The following CDH18 variants were observed in gnomAD, a reference collection of about 807,000 sequenced individuals.
The protein encoded by CDH18 is cadherin 18, also known as cadherin-18.
In CDH18, 31 loss-of-function variants were observed where a neutral mutation model predicts 67.9. The ratio of observed to expected loss-of-function variants is 0.46; its 90% CI spans 0.34 to 0.62. The LOEUF (loss-of-function observed/expected upper bound fraction) is 0.62. Ranked by LOEUF, CDH18 falls within the 20% of genes least tolerant of loss-of-function variation. The pLI is 0.01. For missense variants in CDH18, 890 were observed against 975.5 expected (o/e 0.91, Z 1.17); for synonymous variants, 362 against 347.2 (o/e 1.04, Z -0.48).
intron 3 of CDH18, among the ~76,000 whole-genome samples, chr5:19,816,506 A>G (rs79944844): frequency 9.9e-4 from 151 of 152,000 alleles, no homozygotes; most frequent in East Asian, 2.7e-3. Context: ...AATTATATCA[A>G]TTGCAGATGT....
intron 1 of CDH18, among the ~76,000 whole-genome samples, chr5:20,294,769 G>C (rs1247290685): frequency 6.6e-6 from 1 of 152,102 alleles, no homozygotes; most frequent in African/African-American, 2.4e-5. Context: ...TAAAAAATAA[G>C]TAATTTGAAG....
intron 7 of CDH18, among the ~76,000 whole-genome samples, chr5:19,577,406 T>C (rs1256257190): frequency 3.3e-5 from 5 of 152,262 alleles, no homozygotes; most frequent in Non-Finnish European, 2.9e-5. Flanking sequence ...GTTTTAAACA[T>C]ATTTGGAACT....
chr5:20,362,829 AG>A (rs1742195024), intron 1 of CDH18, among the ~76,000 whole-genome samples: 1 of 152,134 alleles, frequency 6.6e-6, no homozygotes, highest in South Asian at 2.1e-4. Context: ...TTCTCCATAC[AG>A]GATTGGGAGA....
At chr5:19,810,660 G>A (rs527423095) in intron 3 of CDH18, among the ~76,000 whole-genome samples, 2 of 151,856 alleles carry the variant, frequency 1.3e-5, no homozygotes, top group East Asian at 1.9e-4. Flanking sequence ...TTCTAATTAG[G>A]TGTAAAAATC....
At chr5:20,351,060 G>A (rs2150056980) in intron 1 of CDH18, among the ~76,000 whole-genome samples, 1 of 151,412 alleles carries the variant, frequency 6.6e-6, no homozygotes, top group South Asian at 2.1e-4. Context: ...TACCTTAACT[G>A]TTCTATTTAA....
In CDH18 at chr5:19,789,261, G is replaced by A. The variant is rs541825018; in HGVS notation, c.229-42025C>T. Among the ~76,000 whole-genome samples the A allele has an allele frequency of 1.6e-4, 24 of 152,204 alleles. No homozygotes were observed. The South Asian group carries it at 3.1e-3, about 20-fold the overall frequency. Reference sequence around the variant, plus strand: ...GGCAAGTTACTTAACCTTACTGGGCGTCAGTTATTTTATCTGTAAAGTAAA... The same window carrying A: ...GGCAAGTTACTTAACCTTACTGGGCATCAGTTATTTTATCTGTAAAGTAAA... On this transcript the variant is annotated intron_variant, in intron 3 of 12. Transcript: ENST00000382275.
chr5:20,058,927 C>T lies in CDH18; in HGVS notation c.-517-66913G>A, dbSNP rs189854251. Among the ~76,000 whole-genome samples the T allele has an allele frequency of 5.3e-4, 81 of 152,200 alleles. No individual in the cohort carries two copies. In the East Asian group the frequency reaches 0.014, roughly 26 times the overall value. ...TTCTGGTAGAATTCGGCTGTGAATC[C>T]GTCTGGTCCTGGGCTTTTTTTGGTT... On this transcript the variant is annotated intron_variant, in intron 2 of 14. Transcript: ENST00000507958.
At chr5:20,004,136 G>A (rs1250363490) in intron 2 of CDH18, among the ~76,000 whole-genome samples, 1 of 152,032 alleles carries the variant, frequency 6.6e-6, no homozygotes, top group Non-Finnish European at 1.5e-5. Flanking sequence ...CTCTCATTTA[G>A]TTTTCTAACT....
chr5:20,236,804 G>A (rs10037115), intron 2 of CDH18, among the ~76,000 whole-genome samples: 106,464 of 151,836 alleles, frequency 0.7, 37,988 homozygotes, highest in African/African-American at 0.85. Context: ...ATGAATTTGA[G>A]AGTGATTATT....
intron 10 of CDH18, among the ~76,000 whole-genome samples, chr5:19,509,558 A>T (rs1744797694): frequency 6.6e-6 from 1 of 152,160 alleles, no homozygotes; most frequent in Admixed American, 6.6e-5. Flanking sequence ...TATTTAAATG[A>T]GCTTGATTTT....
intron 8 of CDH18, 130 bp downstream of exon 8, chr5:19,571,449 T>C: frequency 2.4e-6 from 2 of 838,748 alleles, no homozygotes; most frequent in Non-Finnish European, 3.5e-6. Context: ...TCAATTAATA[T>C]TATAATTTAA....
chr5:19,947,716 T>C (rs575208694), intron 2 of CDH18, among the ~76,000 whole-genome samples: 1 of 150,986 alleles, frequency 6.6e-6, no homozygotes, highest in Non-Finnish European at 1.5e-5. Context: ...TGAGCTGTGA[T>C]GGCGCCACTG....
intron 5 of CDH18, among the ~76,000 whole-genome samples, chr5:19,646,672 GAT>G (rs1183861397): frequency 1.3e-5 from 2 of 151,990 alleles, no homozygotes; most frequent in Non-Finnish European, 2.9e-5. Context: ...TTAGAAGTAA[GAT>G]ACTACAGAAT....
At chr5:19,948,705 G>A (rs563958139) in intron 2 of CDH18, among the ~76,000 whole-genome samples, 14 of 152,190 alleles carry the variant, frequency 9.2e-5, no homozygotes, top group South Asian at 6.2e-4. Context: ...AATAAGCTTC[G>A]TAGATTGTAC....
chr5:19,962,525 G>C (rs1797026268), intron 2 of CDH18, among the ~76,000 whole-genome samples: 1 of 151,828 alleles, frequency 6.6e-6, no homozygotes, highest in Non-Finnish European at 1.5e-5. Flanking sequence ...TGTAATCCTA[G>C]CACTTTGGTA....
intron 2 of CDH18, among the ~76,000 whole-genome samples, chr5:20,093,238 C>A (rs1328768123): frequency 2.6e-5 from 4 of 151,450 alleles, no homozygotes; most frequent in Admixed American, 6.6e-5. Context: ...TAAACACATA[C>A]ACACACACAC....
intron 1 of CDH18, among the ~76,000 whole-genome samples, chr5:20,329,500 C>T (rs931456902): frequency 2.0e-5 from 3 of 151,918 alleles, no homozygotes; most frequent in African/African-American, 4.8e-5. Flanking sequence ...TGGTTGCTCA[C>T]GCCTGTAATC....
At position 19,536,023 on chromosome 5, in the gene CDH18, G is replaced by C. The variant is rs1580073029; in HGVS notation, c.1390+7846C>G. On this transcript the variant is annotated intron_variant, in intron 9 of 12. Transcript: ENST00000382275. ...AGTGAATCATGAAGTTGTTGAGCTG[G>C]TATGATGGGTGGAGAAACTAGGAGC... Among the ~76,000 whole-genome samples, 3 of 152,222 alleles carry C rather than the reference G, an allele frequency of 2.0e-5. No individual in the cohort carries two copies. The South Asian group carries it at 6.2e-4, about 32-fold the overall frequency.
chr5:19,768,644 T>C (rs1015533027), intron 3 of CDH18, among the ~76,000 whole-genome samples: 4 of 152,086 alleles, frequency 2.6e-5, no homozygotes, highest in African/African-American at 7.2e-5. Context: ...AACTCACTGA[T>C]AATTAAGGCA....
Sources: gnomAD v4.1 joint callset for allele counts (sites outside exome capture counted in the v4.1 genomes callset) on GRCh38, gnomAD v4.1.1 for gene constraint, MANE v1.5 for transcripts, NCBI Gene and HGNC (gene_info 2026-07-23, HGNC 2026-07-21) for gene names.